TMUB2: variants seen among roughly 807,000 people sequenced by gnomAD.
TMUB2 encodes the protein transmembrane and ubiquitin-like domain-containing protein 2.
TMUB2 carries 19 observed loss-of-function variants against 20.2 expected under a neutral mutation model. The ratio of observed to expected loss-of-function variants is 0.94; its 90% confidence interval spans 0.66 to 1.38. The LOEUF (loss-of-function observed/expected upper bound fraction) is 1.38. Ranked by LOEUF, TMUB2 falls within the 40% of genes most tolerant of loss-of-function variation. TMUB2 has a pLI of 0.00. For missense variants in TMUB2, 426 were observed against 402.5 expected, an observed-to-expected ratio of 1.06 and a Z score of -0.50; for synonymous variants, 186 against 166.0, an observed-to-expected ratio of 1.12 and a Z score of -0.92.
rs199927828 is a variant in TMUB2 at position 44,189,217 on chromosome 17, C to A, written c.231C>A (p.Ser77=). The change falls in exon 3 of 4, where the codon TCC becomes TCA. Residue 77 remains serine (S), a synonymous_variant. Transcript: ENST00000538716. ...CTATTGTGTCAGCAGGCGACACATC[C>A]GTCCTCCACCTGGGGCATGTGGACC... ...LGAIVSAGDT[S]VLHLGHVDHL... is the part of the protein sequence containing the mutation. 1 of 1,613,764 alleles carries A rather than the reference C, an allele frequency of 6.2e-7. No individual in the cohort carries two copies. Among genetic ancestry groups the A allele is most frequent in the East Asian group, 2.2e-5 (1 of 44,878 alleles).
At chr17:44,188,920 T>C in intron 2 of TMUB2, 102 bp from the exon 3 acceptor site, 1 of 1,308,050 alleles carries the variant, frequency 7.6e-7, no homozygotes, top group Non-Finnish European at 1.0e-6. Flanking sequence ...TGAACTCCTT[T>C]TTTTTTTTTT....
At chr17:44,188,962 C>G in intron 2 of TMUB2, 60 bp from the exon 3 acceptor site, 2 of 1,504,716 alleles carry the variant, frequency 1.3e-6, no homozygotes, top group South Asian at 1.3e-5. Context: ...CCTAAACAAA[C>G]TAGAGACCTG....
intron 2 of TMUB2, among the ~76,000 whole-genome samples, chr17:44,188,353 C>T (rs1165562734): frequency 6.6e-6 from 1 of 152,134 alleles, no homozygotes; most frequent in African/African-American, 2.4e-5. Context: ...CCAGGGCTTG[C>T]CAGAAGTTTC....
At chr17:44,190,282 C>G in intron 3 of TMUB2, 1 of 430,802 alleles carries the variant, frequency 2.3e-6, no homozygotes, top group Admixed American at 4.9e-5. Flanking sequence ...ACCCGGGAGG[C>G]AGAGGTTGCA....
rs2055449082 is a variant in TMUB2 at position 44,190,816 on chromosome 17, A to C, written c.918A>C (p.Gly306=). The C allele has an allele frequency of 6.2e-7, 1 of 1,613,964 alleles. No individual in the cohort carries two copies. The highest frequency in any genetic ancestry group is 1.7e-5 in the Admixed American group (1 of 59,984). Residue 306 remains glycine, a synonymous_variant, in exon 4 of 4, where the codon GGA becomes GGC. Coordinates refer to ENST00000538716, the MANE Select transcript of TMUB2 (RefSeq NM_001076674.3). ...CACCTGCCACTGTCTCCCTGGTGGGAGTCACCGTCTTCTTCAGCTTCCTAG... is the reference window on the plus strand; with the variant it reads ...CACCTGCCACTGTCTCCCTGGTGGGCGTCACCGTCTTCTTCAGCTTCCTAG... The part of the protein sequence containing the change: ...FTAPATVSLV[G]VTVFFSFLVF...
Position 44,189,575 on chromosome 17 carries a change from G to A in TMUB2, c.589G>A (p.Gly197Ser), listed in dbSNP as rs777579531. The part of the protein sequence containing the change: ...LAVARPEDTV[G>S]ALKSKYFPGQ... ...TGTGGCTAGGCCAGAGGATACCGTG[G>A]GTGCCCTGAAGAGGTGAGTGGCCTG... The change falls in exon 3 of 4, where the codon GGT becomes AGT. Residue 197 changes from glycine (G) to serine (S), a missense_variant. Transcript: ENST00000538716. 5 of 1,592,978 alleles carry A rather than the reference G, an allele frequency of 3.1e-6. No homozygotes were observed. The highest frequency in any genetic ancestry group is 4.3e-6 in the Non-Finnish European group (5 of 1,168,386).
In TMUB2 at chr17:44,190,917, CTT is replaced by C. The variant is rs1567763543; in HGVS notation, c.*56_*57del. 2 of 1,540,430 alleles carry C rather than the reference CTT, an allele frequency of 1.3e-6. No homozygotes were observed. Among genetic ancestry groups the C allele is most frequent in the African/African-American group, 1.4e-5 (1 of 72,766 alleles). On this transcript the variant is annotated 3_prime_UTR_variant, in exon 4 of 4. Coordinates refer to ENST00000538716, the MANE Select transcript of TMUB2 (RefSeq NM_001076674.3). The stretch of plus-strand genomic sequence containing the variant: ...GTCTTTCTCCTTTACGGCCTCCCCA[CTT>C]TTCCTGGCCAGAGCTGGGCCCAAGG...
chr17:44,190,931 A>T lies in TMUB2; in HGVS notation c.*67A>T. 1 of 1,530,056 alleles carries T rather than the reference A, an allele frequency of 6.5e-7. No individual in the cohort carries two copies. The highest frequency in any genetic ancestry group is 8.8e-7 in the Non-Finnish European group (1 of 1,142,516). The allele number at this position is 1,530,056 out of a possible 1,614,324, so 94.8% of individuals were successfully genotyped here. On this transcript the variant is annotated 3_prime_UTR_variant, in exon 4 of 4. Transcript: ENST00000538716. Reference sequence around the variant, plus strand: ...CGGCCTCCCCACTTTTCCTGGCCAGAGCTGGGCCCAAGGGCCGGGGAGGGA... The same window carrying T: ...CGGCCTCCCCACTTTTCCTGGCCAGTGCTGGGCCCAAGGGCCGGGGAGGGA...
At chr17:44,189,789 C>T in intron 3 of TMUB2, 1 of 499,782 alleles carries the variant, frequency 2.0e-6, no homozygotes, top group East Asian at 3.3e-5. Context: ...GAGGCGGGTG[C>T]ATCACGAGGT....
Position 44,189,527 on chromosome 17 carries a change from C to T in TMUB2, c.541C>T (p.Leu181Phe). The change falls in exon 3 of 4, where the codon CTC becomes TTC. Residue 181 changes from leucine to phenylalanine, a missense_variant. By Grantham distance (22) the Leu-to-Phe change is conservative (BLOSUM62 0). Transcript: ENST00000538716. The part of the protein sequence containing the change: ...PGLITVRLKF[L>F]NDTEELAVAR... ...CCTCATCACTGTGCGGCTCAAATTC[C>T]TCAATGATACCGAGGAGCTGGCTGT... is the stretch of plus-strand genomic sequence containing the variant. 6.2e-7 allele frequency: 1 copy of T among 1,613,518 alleles called. No homozygotes were observed. Among genetic ancestry groups the T allele is most frequent in the South Asian group, 1.1e-5 (1 of 91,016 alleles).
At chr17:44,187,648 A>G (rs1171842534) in intron 1 of TMUB2, 28 bp from the exon 2 acceptor site, 5 of 716,922 alleles carry the variant, frequency 7.0e-6, no homozygotes, top group South Asian at 4.4e-5. Context: ...AATAATTACT[A>G]CCGTTATTAA....
chr17:44,189,443 A>C lies in TMUB2; in HGVS notation c.457A>C (p.Ser153Arg), dbSNP rs1249592910. The change falls in exon 3 of 4, where the codon AGC (serine) becomes CGC (arginine). Residue 153 changes from serine to arginine, a missense_variant. Ser to Arg is a moderately radical substitution (Grantham distance 110). Transcript: ENST00000538716. ...LPKRQAGAGSSSPEAPLRSED... is the reference protein window; with the variant it reads ...LPKRQAGAGSRSPEAPLRSED... ...CAAAAGACAAGCAGGTGCAGGCAGC[A>C]GCAGTCCAGAGGCCCCCCTGAGATC... 1.9e-6 allele frequency: 3 copies of C among 1,614,116 alleles called. No individual in the cohort carries two copies. The highest frequency in any genetic ancestry group is 2.2e-5 in the East Asian group (1 of 44,876).
Position 44,191,790 on chromosome 17 carries a change from T to G in TMUB2, c.*926T>G. On this transcript the variant is annotated 3_prime_UTR_variant, in exon 4 of 4. Coordinates refer to ENST00000538716, the MANE Select transcript of TMUB2 (RefSeq NM_001076674.3). The stretch of plus-strand genomic sequence containing the variant: ...GCCCCCAGGAAAATGGTAATGAGAG[T>G]AGGTAGGCCGGGGCTACCAACGGGA... 1 of 967,274 alleles carries G rather than the reference T, an allele frequency of 1.0e-6. No individual in the cohort carries two copies. Among genetic ancestry groups the G allele is most frequent in the Non-Finnish European group, 1.2e-6 (1 of 813,350 alleles). The allele number at this position is 967,274 out of a possible 1,614,324, so 59.9% of individuals were successfully genotyped here.
chr17:44,188,840 T>G (rs1598152993), intron 2 of TMUB2, 182 bp from the exon 3 acceptor site: 2 of 1,028,138 alleles, frequency 1.9e-6, no homozygotes, highest in South Asian at 2.1e-5. Context: ...AGGCAAAGGG[T>G]AGGGTAGGTC....
rs997053181 is a variant in TMUB2 at position 44,188,703 on chromosome 17, C to T, written c.36-319C>T. ...CTCAGCAAAGATTTTTCCTCATTCA[C>T]CAAAAAAGCAACAACAGTAGCAGCA... On this transcript the variant is annotated intron_variant, in intron 2 of 3. Transcript: ENST00000538716. The T allele has an allele frequency of 8.2e-5, 21 of 256,900 alleles. No homozygotes were observed. The Admixed American group carries it at 1.0e-3, about 12-fold the overall frequency. 15.9% of individuals were successfully genotyped at this position (256,900 alleles called of 1,614,324 possible).
Position 44,190,788 on chromosome 17 carries a change from C to T in TMUB2, c.890C>T (p.Thr297Ile), listed in dbSNP as rs755375353. 2 of 1,613,884 alleles carry T rather than the reference C, an allele frequency of 1.2e-6. No individual in the cohort carries two copies. The highest frequency in any genetic ancestry group is 2.2e-5 in the East Asian group (1 of 44,896). ...CGAATCAATTACCGCCAATTCTTCA[C>T]AGCACCTGCCACTGTCTCCCTGGTG... Reference protein sequence around the residue: ...YFRINYRQFFTAPATVSLVGV... With the variant: ...YFRINYRQFFIAPATVSLVGV... Residue 297 changes from threonine (T) to isoleucine (I), a missense_variant, in exon 4 of 4, where the codon ACA (threonine) becomes ATA (isoleucine). Transcript: ENST00000538716.
rs757926587 is a variant in TMUB2 at position 44,190,668 on chromosome 17, C to T, written c.770C>T (p.Ala257Val). 8 of 1,614,218 alleles carry T rather than the reference C, an allele frequency of 5.0e-6. No homozygotes were observed. Among genetic ancestry groups the T allele is most frequent in the Non-Finnish European group, 6.8e-6 (8 of 1,180,032 alleles). ...GTTCCAGGCCCCTCAGCCTCCTTGG[C>T]CCCCTCGGCCACTGAGCCACCCAGC... ...SAVPGPSASL[A>V]PSATEPPSLG... is the part of the protein sequence containing the mutation. Residue 257 changes from alanine to valine, a missense_variant, in exon 4 of 4, where the codon GCC becomes GTC. Transcript: ENST00000538716.
At chr17:44,187,622 A>G in intron 1 of TMUB2, 54 bp from the exon 2 acceptor site, 2 of 713,006 alleles carry the variant, frequency 2.8e-6, no homozygotes, top group Non-Finnish European at 5.3e-6. Context: ...ATCAGGGGTT[A>G]GTTGTGGTTG....
intron 3 of TMUB2, 118 bp from the exon 4 acceptor site, chr17:44,190,383 A>AG (rs1373059895): frequency 4.6e-6 from 3 of 658,342 alleles, no homozygotes; most frequent in Middle Eastern, 4.5e-4. Flanking sequence ...GATAAAGATG[A>AG]GGGAAAAAAA....
Sources: gnomAD v4.1 joint callset for allele counts (sites outside exome capture counted in the v4.1 genomes callset) on GRCh38, gnomAD v4.1.1 for gene constraint, MANE v1.5 for transcripts, NCBI Gene and HGNC (gene_info 2026-07-23, HGNC 2026-07-21) for gene names.